Variants in COL26A1 observed in about 807,000 individuals in gnomAD.
The protein encoded by COL26A1 is collagen alpha-1(XXVI) chain.
A neutral mutation model predicts 59.3 loss-of-function variants in COL26A1; 41 were observed. The observed-to-expected ratio is 0.69, with a 90% confidence interval of 0.54 to 0.90. COL26A1 has a LOEUF of 0.90. Among genes scored for constraint, COL26A1 ranks in the 40% least tolerant of loss-of-function variants. The pLI is 0.00. For missense variants in COL26A1, 612 were observed against 602.3 expected, an observed-to-expected ratio of 1.02 and a Z score of -0.17; for synonymous variants, 266 against 256.0, an observed-to-expected ratio of 1.04 and a Z score of -0.37.
chr7:101,450,122 T>C (rs1404666399), intron 3 of COL26A1, among the ~76,000 whole-genome samples: 8 of 99,710 alleles, frequency 8.0e-5, no homozygotes, highest in Admixed American at 7.1e-4. Context: ...AGACTCAGTC[T>C]CAAAAAAAAA....
At chr7:101,514,568 C>A (rs1794989903) in intron 3 of COL26A1, among the ~76,000 whole-genome samples, 1 of 152,006 alleles carries the variant, frequency 6.6e-6, no homozygotes, top group South Asian at 2.1e-4. Context: ...GAGCAGGGGA[C>A]AGTGAGCTAT....
chr7:101,540,086 C>G lies in COL26A1; in HGVS notation c.604+37C>G, dbSNP rs933847244. ...CTGCAGAGAGGACAGGCTGGGGCAG[C>G]CGAAGGGACCTTGGGCATGGCCTCC... On this transcript the variant is annotated intron_variant, in intron 5 of 12. Coordinates refer to ENST00000313669, the MANE Select transcript of COL26A1 (RefSeq NM_001278563.3). 2.5e-6 allele frequency: 4 copies of G among 1,578,104 alleles called. No homozygotes were observed. The African/African-American group carries it at 5.4e-5, about 21-fold the overall frequency.
chr7:101,400,296 T>A (rs1389120354), intron 1 of COL26A1, among the ~76,000 whole-genome samples: 1 of 151,320 alleles, frequency 6.6e-6, no homozygotes, highest in East Asian at 1.9e-4. Context: ...GGCTCGGTCA[T>A]GGAGTGGGCT....
intron 8 of COL26A1, among the ~76,000 whole-genome samples, chr7:101,548,059 C>G (rs1233508071): frequency 6.6e-6 from 1 of 152,098 alleles, no homozygotes; most frequent in Non-Finnish European, 1.5e-5. Flanking sequence ...CGGGGAGGCG[C>G]CGTCAAAACG....
At chr7:101,417,800 C>A (rs994524244) in intron 1 of COL26A1, among the ~76,000 whole-genome samples, 1 of 151,774 alleles carries the variant, frequency 6.6e-6, no homozygotes, top group Non-Finnish European at 1.5e-5. Flanking sequence ...CGGCTCACTG[C>A]AACTTCTGCC....
chr7:101,368,690 C>G (rs1171236214), intron 1 of COL26A1, among the ~76,000 whole-genome samples: 1 of 152,118 alleles, frequency 6.6e-6, no homozygotes, highest in Admixed American at 6.6e-5. Context: ...ACATGGTGCC[C>G]TGGTGAGTGA....
At chr7:101,443,540 A>G (rs1463608186) in intron 2 of COL26A1, among the ~76,000 whole-genome samples, 1 of 152,164 alleles carries the variant, frequency 6.6e-6, no homozygotes, top group African/African-American at 2.4e-5. Context: ...AAGTTGCTCG[A>G]TGTCAGCAGA....
chr7:101,550,458 C>G (rs891894890), intron 9 of COL26A1, among the ~76,000 whole-genome samples: 2 of 151,890 alleles, frequency 1.3e-5, no homozygotes, highest in Non-Finnish European at 2.9e-5. Flanking sequence ...AAGACCCTGT[C>G]TCATTAAAAA....
intron 3 of COL26A1, among the ~76,000 whole-genome samples, chr7:101,512,700 A>C (rs1440593278): frequency 5.3e-5 from 8 of 152,216 alleles, no homozygotes; most frequent in Admixed American, 5.2e-4. Context: ...ATTCAGTTGG[A>C]GCTATAAATG....
At chr7:101,489,680 C>CTGTCTGT (rs1563007460) in intron 3 of COL26A1, among the ~76,000 whole-genome samples, 2 of 21,368 alleles carry the variant, frequency 9.4e-5, no homozygotes, top group African/African-American at 5.7e-4. Flanking sequence ...TTCCTTCCTT[C>CTGTCTGT]CTTTCTTTCT....
At chr7:101,376,517 G>C (rs1791322870) in intron 1 of COL26A1, among the ~76,000 whole-genome samples, 1 of 152,164 alleles carries the variant, frequency 6.6e-6, no homozygotes, top group Admixed American at 6.6e-5. Context: ...TGTCCTGATA[G>C]GTTTCCGGTG....
chr7:101,409,795 C>G (rs1792202488), intron 1 of COL26A1, among the ~76,000 whole-genome samples: 1 of 152,122 alleles, frequency 6.6e-6, no homozygotes, highest in South Asian at 2.1e-4. Context: ...GAGTCTCGCT[C>G]TGTTGCCCAG....
chr7:101,489,780 T>TG (rs1794380815), intron 3 of COL26A1, among the ~76,000 whole-genome samples: 6 of 2,466 alleles, frequency 2.4e-3, no homozygotes, highest in South Asian at 8.9e-3. Context: ...CTTTCTTTCT[T>TG]TCTTTCTTTC....
intron 3 of COL26A1, among the ~76,000 whole-genome samples, chr7:101,479,543 T>C (rs1395931902): frequency 6.6e-6 from 1 of 152,198 alleles, no homozygotes; most frequent in African/African-American, 2.4e-5. Context: ...ATTATAGTAT[T>C]TTGTCATTAT....
intron 1 of COL26A1, among the ~76,000 whole-genome samples, chr7:101,385,687 A>C (rs542991888): frequency 1.0e-3 from 148 of 147,084 alleles, no homozygotes; most frequent in African/African-American, 3.5e-3. Context: ...AATTGAAAAA[A>C]ATTTTTTTTA....
intron 3 of COL26A1, among the ~76,000 whole-genome samples, chr7:101,507,690 T>G (rs1477485522): frequency 1.3e-5 from 2 of 152,116 alleles, no homozygotes; most frequent in African/African-American, 4.8e-5. Flanking sequence ...AAGGTTGGGA[T>G]TACTGGCGTG....
rs545726385 is a variant in COL26A1 at position 101,517,632 on chromosome 7, CAT to C, written c.386-15449_386-15448del. Reference sequence around the variant, plus strand: ...AGCTCCCACTGGGTCCCTCCCACAACATGTGGGAATTCAAGATGAGATTTGGG... The same window carrying C: ...AGCTCCCACTGGGTCCCTCCCACAACGTGGGAATTCAAGATGAGATTTGGG... On this transcript the variant is annotated intron_variant, in intron 3 of 12. Coordinates refer to ENST00000313669, the MANE Select transcript of COL26A1 (RefSeq NM_001278563.3). 2.3e-3 allele frequency among the ~76,000 whole-genome samples: 353 copies of C among 152,224 alleles called. 2 individuals are homozygous for C. Among genetic ancestry groups the C allele is most frequent in the African/African-American group, 8.1e-3 (338 of 41,546 alleles).
chr7:101,387,773 TATA>T (rs1791625344), intron 1 of COL26A1, among the ~76,000 whole-genome samples: 6 of 54,122 alleles, frequency 1.1e-4, no homozygotes, highest in African/African-American at 2.7e-4. Context: ...TATATATATA[TATA>T]TATTTTTTTT....
At chr7:101,500,584 G>A (rs577401861) in intron 3 of COL26A1, among the ~76,000 whole-genome samples, 10 of 152,120 alleles carry the variant, frequency 6.6e-5, no homozygotes, top group South Asian at 4.1e-4. Context: ...CTGGCAGGCC[G>A]AGGCGGGCAG....
Sources: allele counts gnomAD v4.1 joint callset (sites outside exome capture counted in the v4.1 genomes callset), GRCh38; gene constraint gnomAD v4.1.1; transcripts MANE v1.5; gene names NCBI Gene and HGNC (gene_info 2026-07-23, HGNC 2026-07-21).